Variants in HPSE2 observed in about 807,000 individuals in gnomAD.
The protein encoded by HPSE2 is inactive heparanase-2.
In HPSE2, 38 loss-of-function variants were observed where a neutral mutation model predicts 60.5. The observed-to-expected ratio is 0.63, with a 90% CI of 0.48 to 0.82. HPSE2 has a LOEUF of 0.82. Among genes scored for constraint, HPSE2 ranks in the 40% least tolerant of loss-of-function variants. The pLI, the probability that HPSE2 is intolerant of heterozygous loss-of-function variation, is 0.00. For missense variants in HPSE2, 713 were observed against 740.4 expected, an observed-to-expected ratio of 0.96 and a Z score of 0.43; for synonymous variants, 295 against 293.2, an observed-to-expected ratio of 1.01 and a Z score of -0.06.
intron 3 of HPSE2, among the ~76,000 whole-genome samples, chr10:99,096,303 A>T (rs139502953): frequency 1.3e-5 from 2 of 152,340 alleles, no homozygotes; most frequent in African/African-American, 4.8e-5. Context: ...GCATTCTCCT[A>T]GATTTTGTAA....
Position 98,582,545 on chromosome 10 carries a change from T to G in HPSE2, c.1320+32359A>C, listed in dbSNP as rs118015591. On this transcript the variant is annotated intron_variant, in intron 9 of 11. Transcript: ENST00000370552. ...GGCAGTACTGTGAAGCAGATGAGTG[T>G]GGCACCAGTTCATCAGCTCCATCTG... Among the ~76,000 whole-genome samples the G allele has an allele frequency of 5.3e-3, 808 of 152,320 alleles. 4 individuals are homozygous for G. The highest frequency in any genetic ancestry group is 8.6e-3 in the Non-Finnish European group (587 of 68,026).
At chr10:99,244,172 C>A in the HPSE2 span, among the ~76,000 whole-genome samples, 3 of 151,288 alleles carry the variant, frequency 2.0e-5, no homozygotes, top group Non-Finnish European at 4.4e-5. Context: ...CGCCCGCCAC[C>A]GTGCCCGGCT....
In HPSE2 at chr10:98,535,560, C is replaced by T. The variant is rs367672923; in HGVS notation, c.1321-45364G>A. On this transcript the variant is annotated intron_variant, in intron 9 of 11. Transcript: ENST00000370552. ...TGTTTTCTTAGGCAGGCAGTATACT[C>T]TGGTGGACCACTTGAAACTCCTCTA... is the stretch of plus-strand genomic sequence containing the variant. Among the ~76,000 whole-genome samples, 4 of 152,230 alleles carry T rather than the reference C, an allele frequency of 2.6e-5. No individual in the cohort carries two copies. The East Asian group carries it at 5.8e-4, about 22-fold the overall frequency.
chr10:98,964,542 TCCCA>T (rs1243019322), intron 3 of HPSE2, among the ~76,000 whole-genome samples: 1 of 152,116 alleles, frequency 6.6e-6, no homozygotes, highest in Non-Finnish European at 1.5e-5. Flanking sequence ...AGTTTGGTTT[TCCCA>T]CCCACTAATC....
intron 3 of HPSE2, among the ~76,000 whole-genome samples, chr10:98,954,430 T>G (rs891759838): frequency 5.9e-5 from 9 of 152,224 alleles, no homozygotes; most frequent in Non-Finnish European, 8.8e-5. Context: ...CCTAGGACAC[T>G]GAACGTGTCA....
intron 3 of HPSE2, among the ~76,000 whole-genome samples, chr10:99,069,286 C>T (rs936356697): frequency 2.6e-5 from 4 of 152,040 alleles, no homozygotes; most frequent in African/African-American, 9.7e-5. Flanking sequence ...CTCAGAAGTC[C>T]TTGAAATATT....
intron 3 of HPSE2, among the ~76,000 whole-genome samples, chr10:98,934,708 C>T (rs113653062): frequency 0.091 from 13,067 of 143,312 alleles, 2,920 homozygotes; most frequent in African/African-American, 0.25. Context: ...GTGCCCTTAA[C>T]ATTTTTTCCT....
At chr10:99,058,708 T>C (rs1344599981) in intron 3 of HPSE2, among the ~76,000 whole-genome samples, 4 of 152,220 alleles carry the variant, frequency 2.6e-5, no homozygotes, top group Non-Finnish European at 5.9e-5. Flanking sequence ...GTAACTGTCA[T>C]AATAATGAAA....
rs532654083 is a variant in HPSE2 at position 99,026,692 on chromosome 10, T to A, written c.610+117546A>T. Among the ~76,000 whole-genome samples, 4 of 152,260 alleles carry A rather than the reference T, an allele frequency of 2.6e-5. No individual in the cohort carries two copies. The South Asian group carries it at 8.3e-4, about 32-fold the overall frequency. On this transcript the variant is annotated intron_variant, in intron 3 of 11. Transcript: ENST00000370552. Reference sequence around the variant, plus strand: ...CGCATTATTTTCCTCAGCACATGGATAATTCACAAGGATAAACCATAGGTT... The same window carrying A: ...CGCATTATTTTCCTCAGCACATGGAAAATTCACAAGGATAAACCATAGGTT...
intron 3 of HPSE2, among the ~76,000 whole-genome samples, chr10:98,959,046 A>G (rs1034035962): frequency 6.6e-6 from 1 of 152,088 alleles, no homozygotes; most frequent in Non-Finnish European, 1.5e-5. Flanking sequence ...TGAAGTCAAA[A>G]CCAATGTTTA....
chr10:99,183,691 C>T (rs1238647045), intron 2 of HPSE2, among the ~76,000 whole-genome samples: 1 of 152,198 alleles, frequency 6.6e-6, no homozygotes, highest in Non-Finnish European at 1.5e-5. Context: ...CAATACTTGT[C>T]ATCTCAGTCA....
intron 6 of HPSE2, among the ~76,000 whole-genome samples, chr10:98,661,343 TATTTA>T (rs943183670): frequency 1.8e-4 from 27 of 152,226 alleles, no homozygotes; most frequent in African/African-American, 6.3e-4. Flanking sequence ...GCTTTTAGTT[TATTTA>T]ATTTTAGTTC....
chr10:99,064,894 A>T (rs1842565570), intron 3 of HPSE2, among the ~76,000 whole-genome samples: 1 of 152,144 alleles, frequency 6.6e-6, no homozygotes, highest in Non-Finnish European at 1.5e-5. Context: ...AAAATACAGA[A>T]TTATAACACT....
At chr10:99,096,152 A>G (rs1434128794) in intron 3 of HPSE2, among the ~76,000 whole-genome samples, 1 of 152,184 alleles carries the variant, frequency 6.6e-6, no homozygotes, top group Admixed American at 6.5e-5. Context: ...TGGGTTTTGT[A>G]CATGTTTTTC....
At chr10:98,938,483 T>C (rs1589394970) in intron 3 of HPSE2, among the ~76,000 whole-genome samples, 1 of 143,736 alleles carries the variant, frequency 7.0e-6, no homozygotes, top group East Asian at 2.0e-4. Context: ...GGAAGAAAGG[T>C]TATCAGTGAT....
rs567877800 is a variant in HPSE2 at position 98,540,180 on chromosome 10, T to C, written c.1321-49984A>G. Among the ~76,000 whole-genome samples, 5 of 152,380 alleles carry C rather than the reference T, an allele frequency of 3.3e-5. 1 individual carries two copies. The South Asian group carries it at 1.0e-3, about 32-fold the overall frequency. The stretch of plus-strand genomic sequence containing the variant: ...GGAACATAGGAGGAAGTCAATAATT[T>C]TTGTTGAATAAATGAATAAATGTGT... On this transcript the variant is annotated intron_variant, in intron 9 of 11. Coordinates refer to ENST00000370552, the MANE Select transcript of HPSE2 (RefSeq NM_021828.5).
At chr10:99,027,296 A>G (rs1309551432) in intron 3 of HPSE2, among the ~76,000 whole-genome samples, 1 of 151,958 alleles carries the variant, frequency 6.6e-6, no homozygotes, top group Non-Finnish European at 1.5e-5. Context: ...ATTACAAGTG[A>G]TACTGCAGAA....
chr10:98,851,321 T>C (rs762524282), intron 3 of HPSE2, among the ~76,000 whole-genome samples: 3 of 152,180 alleles, frequency 2.0e-5, no homozygotes, highest in Non-Finnish European at 4.4e-5. Context: ...GATGCTGCTA[T>C]TTCTCTCTGG....
chr10:99,297,808 T>G, the HPSE2 span, among the ~76,000 whole-genome samples: 1 of 152,068 alleles, frequency 6.6e-6, no homozygotes, highest in Non-Finnish European at 1.5e-5. Flanking sequence ...ATTTGGACAC[T>G]CTGAATTTTC....
Sources: gnomAD v4.1 joint callset for allele counts (sites outside exome capture counted in the v4.1 genomes callset) on GRCh38, gnomAD v4.1.1 for gene constraint, MANE v1.5 for transcripts, NCBI Gene and HGNC (gene_info 2026-07-23, HGNC 2026-07-21) for gene names.